Variants in DST observed in about 807,000 individuals in gnomAD.
DST encodes dystonin, also known as bullous pemphigoid antigen.
A neutral mutation model predicts 875.2 loss-of-function variants in DST; 253 were observed. The ratio of observed to expected loss-of-function variants is 0.29; its 90% CI spans 0.26 to 0.32. The LOEUF is 0.32. Among genes scored for constraint, DST ranks in the 10% least tolerant of loss-of-function variants. The pLI is 1.00. For synonymous variants in DST, 3,124 were observed against 3,197.1 expected (o/e 0.98, Z 0.77); for missense variants, 8,287 against 9,111.6 (o/e 0.91, Z 3.68).
chr6:56,652,509 G>T (rs975506579), intron 10 of DST, among the ~76,000 whole-genome samples: 1 of 152,170 alleles, frequency 6.6e-6, no homozygotes, highest in African/African-American at 2.4e-5. Flanking sequence ...GAAAGAGTGG[G>T]AGGGCTCAAA....
chr6:56,566,117 C>G (rs2097671958), intron 55 of DST, among the ~76,000 whole-genome samples: 2 of 152,198 alleles, frequency 1.3e-5, no homozygotes, highest in Admixed American at 6.5e-5. Context: ...GCCAGTGGAT[C>G]CTAGCTTGCT....
chr6:56,583,280 T>C (rs2098063999), intron 49 of DST, among the ~76,000 whole-genome samples: 1 of 152,234 alleles, frequency 6.6e-6, no homozygotes, highest in Non-Finnish European at 1.5e-5. Context: ...TTTTTAATGA[T>C]CGCCATTCTC....
At chr6:56,595,790 A>ACCG (rs1563059112) in intron 47 of DST, among the ~76,000 whole-genome samples, 1 of 137,742 alleles carries the variant, frequency 7.3e-6, no homozygotes, top group African/African-American at 3.5e-5. Context: ...CCCCCACCCC[A>ACCG]CCCCGAGAAG....
intron 61 of DST, among the ~76,000 whole-genome samples, chr6:56,547,029 T>C (rs2097241587): frequency 6.6e-6 from 1 of 152,136 alleles, no homozygotes. Context: ...TTCCTCAATC[T>C]CAAATGAAGG....
intron 82 of DST, among the ~76,000 whole-genome samples, chr6:56,494,623 C>A (rs2095851496): frequency 6.6e-6 from 1 of 152,010 alleles, no homozygotes; most frequent in Admixed American, 6.6e-5. Context: ...ATTCTGCACT[C>A]AGAAAACATG....
Position 56,605,628 on chromosome 6 carries a change from A to G in DST, c.9000T>C (p.Thr3000=), listed in dbSNP as rs761476360. 6.2e-7 allele frequency: 1 copy of G among 1,613,054 alleles called. No individual in the cohort carries two copies. Among genetic ancestry groups the G allele is most frequent in the South Asian group, 1.1e-5 (1 of 91,070 alleles). The change falls in exon 40 of 104, where the codon ACT becomes ACC. Residue 3000 remains threonine (T), a synonymous_variant. Coordinates refer to ENST00000680361, the MANE Select transcript of DST (RefSeq NM_001374736.1). The stretch of plus-strand genomic sequence containing the variant: ...CAGGTTTTCCTATTAAATCAGGCTC[A>G]GTACAAATGATGTGATCAAGAGATG... The part of the protein sequence containing the change: ...VDSSLDHIIC[T]EPDLIGKPAE...
At chr6:56,876,378 G>T (rs1478231938) in intron 3 of DST, among the ~76,000 whole-genome samples, 1 of 152,066 alleles carries the variant, frequency 6.6e-6, no homozygotes, top group Non-Finnish European at 1.5e-5. Flanking sequence ...ACATCACCTG[G>T]TACTGAACCA....
chr6:56,474,640 G>A (rs1431867083), intron 92 of DST, among the ~76,000 whole-genome samples: 1 of 152,146 alleles, frequency 6.6e-6, no homozygotes, highest in Non-Finnish European at 1.5e-5. Context: ...CCAAACTCAA[G>A]TTTCCAAGCT....
chr6:56,835,651 C>T (rs984823384), intron 4 of DST, among the ~76,000 whole-genome samples: 2 of 152,106 alleles, frequency 1.3e-5, no homozygotes, highest in African/African-American at 4.8e-5. Flanking sequence ...TATTTTATCC[C>T]GCCTTTATTA....
intron 5 of DST, among the ~76,000 whole-genome samples, chr6:56,713,687 G>A (rs140349787): frequency 2.6e-5 from 4 of 152,282 alleles, no homozygotes; most frequent in Admixed American, 1.3e-4. Context: ...GGCACTTCCC[G>A]GTGTCCCTTT....
intron 4 of DST, among the ~76,000 whole-genome samples, chr6:56,754,834 A>C (rs2099597622): frequency 6.6e-6 from 1 of 152,178 alleles, no homozygotes; most frequent in African/African-American, 2.4e-5. Flanking sequence ...ATTTAAATTA[A>C]ACATATGTTC....
chr6:56,477,248 T>C (rs1035755893), intron 91 of DST, 97 bp downstream of exon 91: 1 of 1,333,098 alleles, frequency 7.5e-7, no homozygotes, highest in Non-Finnish European at 1.0e-6. Context: ...GGTCTCATTT[T>C]CCCATGGCCA....
At chr6:56,706,004 C>T (rs1359266359) in intron 5 of DST, among the ~76,000 whole-genome samples, 1 of 152,130 alleles carries the variant, frequency 6.6e-6, no homozygotes, top group African/African-American at 2.4e-5. Flanking sequence ...TTGAGCAATC[C>T]TTGTTTAGAA....
Position 56,529,529 on chromosome 6 carries a change from ATTCAGCCAG to A in DST, c.17505_17513del (p.Trp5836_Asn5838del). 6.2e-7 allele frequency: 1 copy of A among 1,613,402 alleles called. No individual in the cohort carries two copies. Among genetic ancestry groups the A allele is most frequent in the Non-Finnish European group, 8.5e-7 (1 of 1,179,578 alleles). On this transcript the variant is annotated inframe_deletion, in exon 66 of 104. Coordinates refer to ENST00000680361, the MANE Select transcript of DST (RefSeq NM_001374736.1). The stretch of plus-strand genomic sequence containing the variant: ...GCTTGCTCAGTTTGTCATGCACTTC[ATTCAGCCAG>A]TTCATCAGTTCAACTTCATCTTCCC...
intron 82 of DST, among the ~76,000 whole-genome samples, chr6:56,494,705 C>T (rs1201905013): frequency 6.6e-6 from 1 of 152,046 alleles, no homozygotes; most frequent in Non-Finnish European, 1.5e-5. Context: ...AAGAATCAAA[C>T]TTGTGGTACT....
chr6:56,839,932 G>A (rs1371422372), intron 4 of DST, among the ~76,000 whole-genome samples: 2 of 152,072 alleles, frequency 1.3e-5, no homozygotes, highest in African/African-American at 2.4e-5. Flanking sequence ...TAACCAAAAC[G>A]ACCATTCCAT....
intron 4 of DST, among the ~76,000 whole-genome samples, chr6:56,773,534 A>C (rs1366266826): frequency 6.6e-6 from 1 of 152,134 alleles, no homozygotes; most frequent in Non-Finnish European, 1.5e-5. Flanking sequence ...ACTAAGCATA[A>C]GGTAATGGGG....
At chr6:56,586,283 T>C (rs1483631125) in intron 49 of DST, among the ~76,000 whole-genome samples, 2 of 151,718 alleles carry the variant, frequency 1.3e-5, no homozygotes, top group Non-Finnish European at 2.9e-5. Flanking sequence ...GGTGCTCCTG[T>C]ATTGGGTGCA....
At chr6:56,919,366 C>T (rs910008454) in intron 2 of DST, among the ~76,000 whole-genome samples, 3 of 152,108 alleles carry the variant, frequency 2.0e-5, no homozygotes, top group African/African-American at 7.2e-5. Context: ...ACATTTTAAT[C>T]CATCTGAAAT....
Sources: gnomAD v4.1 joint callset for allele counts (sites outside exome capture counted in the v4.1 genomes callset) on GRCh38, gnomAD v4.1.1 for gene constraint, MANE v1.5 for transcripts, NCBI Gene and HGNC (gene_info 2026-07-23, HGNC 2026-07-21) for gene names.